The following KCNK13 variants were observed in gnomAD, a reference collection of about 807,000 sequenced individuals.
KCNK13 encodes potassium two pore domain channel subfamily K member 13.
A neutral mutation model predicts 23.4 loss-of-function variants in KCNK13; 12 were observed. That is an observed-to-expected ratio of 0.51 (90% CI 0.33 to 0.83). The LOEUF (loss-of-function observed/expected upper bound fraction) is 0.83. KCNK13 is among the 40% of genes least tolerant of loss of function. KCNK13 has a pLI of 0.02. For missense variants in KCNK13, 463 were observed against 556.3 expected (o/e 0.83, Z 1.69); for synonymous variants, 231 against 229.5 (o/e 1.01, Z -0.06).
intron 1 of KCNK13, among the ~76,000 whole-genome samples, chr14:90,145,130 G>C (rs1890058536): frequency 6.6e-6 from 1 of 152,064 alleles, no homozygotes; most frequent in South Asian, 2.1e-4. Flanking sequence ...TAGAAAGGTG[G>C]GGCACAGTGG....
At chr14:90,068,428 C>T (rs1462826416) in intron 1 of KCNK13, among the ~76,000 whole-genome samples, 2 of 151,890 alleles carry the variant, frequency 1.3e-5, no homozygotes, top group African/African-American at 4.8e-5. Flanking sequence ...AACCCCATCT[C>T]TACAAAAAAA....
chr14:90,163,770 G>T (rs1195201173), intron 1 of KCNK13, among the ~76,000 whole-genome samples: 1 of 152,130 alleles, frequency 6.6e-6, no homozygotes, highest in African/African-American at 2.4e-5. Context: ...GCTCACTGCA[G>T]CCTCCGCCTC....
At chr14:90,161,402 G>A (rs1890251832) in intron 1 of KCNK13, among the ~76,000 whole-genome samples, 1 of 152,086 alleles carries the variant, frequency 6.6e-6, no homozygotes. Flanking sequence ...TGTACTTACT[G>A]CTACTGAACT....
At chr14:90,162,248 G>C (rs958832480) in intron 1 of KCNK13, among the ~76,000 whole-genome samples, 1 of 152,118 alleles carries the variant, frequency 6.6e-6, no homozygotes, top group Non-Finnish European at 1.5e-5. Context: ...CCCAGCATAG[G>C]CAATGGATCA....
At chr14:90,174,087 A>C (rs994399583) in intron 1 of KCNK13, among the ~76,000 whole-genome samples, 2 of 152,060 alleles carry the variant, frequency 1.3e-5, no homozygotes, top group African/African-American at 4.8e-5. Flanking sequence ...CGGGCGGATC[A>C]TGAGGTCAGG....
Position 90,184,408 on chromosome 14 carries a change from G to T in KCNK13, c.632G>T (p.Cys211Phe). The change falls in exon 2 of 2, where the codon TGC (cysteine) becomes TTC (phenylalanine). Residue 211 changes from cysteine to phenylalanine, a missense_variant. This residue lies in a region of KCNK13 where 144 missense variants were observed against 224.0 expected (regional missense o/e 0.64). Coordinates refer to ENST00000282146, the MANE Select transcript of KCNK13 (RefSeq NM_022054.4). The surrounding 1 kb of genome is among the most constrained non-coding windows in gnomAD (Gnocchi z 5.6). Reference sequence around the variant, plus strand: ...ACAGCCTCCATCCTCATCTCTTGCTGCGCCTCAGCCATGTACACCCCCATT... The same window carrying T: ...ACAGCCTCCATCCTCATCTCTTGCTTCGCCTCAGCCATGTACACCCCCATT... ...LCTASILISC[C>F]ASAMYTPIEG... The T allele has an allele frequency of 6.2e-7, 1 of 1,614,226 alleles. No individual in the cohort carries two copies. Among genetic ancestry groups the T allele is most frequent in the Non-Finnish European group, 8.5e-7 (1 of 1,180,050 alleles).
chr14:90,144,442 A>C (rs1175080438), intron 1 of KCNK13, among the ~76,000 whole-genome samples: 2 of 148,894 alleles, frequency 1.3e-5, no homozygotes, highest in Admixed American at 6.7e-5. Context: ...ATTCCATTGA[A>C]TTGTTTACAT....
intron 1 of KCNK13, among the ~76,000 whole-genome samples, chr14:90,094,927 G>A (rs993735799): frequency 6.6e-6 from 1 of 152,086 alleles, no homozygotes; most frequent in Admixed American, 6.5e-5. Flanking sequence ...GATTACAGGC[G>A]TGAGCCACCA....
At chr14:90,136,913 G>T (rs996589144) in intron 1 of KCNK13, among the ~76,000 whole-genome samples, 1 of 152,184 alleles carries the variant, frequency 6.6e-6, no homozygotes, top group Non-Finnish European at 1.5e-5. Context: ...ATGTTCATTA[G>T]CGTCGTCATG....
At chr14:90,176,836 G>A (rs1425523180) in intron 1 of KCNK13, among the ~76,000 whole-genome samples, 3 of 151,864 alleles carry the variant, frequency 2.0e-5, no homozygotes, top group African/African-American at 4.8e-5. Context: ...CCTGGCCAAC[G>A]TGGTGAAACC....
chr14:90,098,262 A>C (rs1889435013), intron 1 of KCNK13, among the ~76,000 whole-genome samples: 2 of 152,324 alleles, frequency 1.3e-5, no homozygotes, highest in Admixed American at 1.3e-4. Flanking sequence ...GGCATTTATT[A>C]TTTATTTCCA....
intron 1 of KCNK13, among the ~76,000 whole-genome samples, chr14:90,066,464 A>G (rs1889011115): frequency 6.6e-6 from 1 of 151,456 alleles, no homozygotes; most frequent in African/African-American, 2.4e-5. Context: ...AGAGGGCTAC[A>G]CCATGTTGAT....
chr14:90,078,434 A>AG (rs1491559719), intron 1 of KCNK13, among the ~76,000 whole-genome samples: 1 of 151,484 alleles, frequency 6.6e-6, no homozygotes, highest in African/African-American at 2.4e-5. Flanking sequence ...AAAAAAAGAA[A>AG]GAAAAAAAAG....
intron 1 of KCNK13, among the ~76,000 whole-genome samples, chr14:90,082,218 C>T (rs1395187856): frequency 6.6e-6 from 1 of 151,244 alleles, no homozygotes; most frequent in African/African-American, 2.4e-5. Flanking sequence ...TATGCCACCA[C>T]ACCCAGCTAA....
chr14:90,133,942 TG>T (rs1268009226), intron 1 of KCNK13, among the ~76,000 whole-genome samples: 1 of 152,138 alleles, frequency 6.6e-6, no homozygotes, highest in Non-Finnish European at 1.5e-5. Context: ...GAAGAGAAAA[TG>T]GATTCTTCCC....
At chr14:90,073,794 C>T (rs149905294) in intron 1 of KCNK13, among the ~76,000 whole-genome samples, 1,670 of 152,052 alleles carry the variant, frequency 0.011, 11 homozygotes, top group Middle Eastern at 0.02. Context: ...CCTCAGCCTC[C>T]GGAGTAGCTG....
chr14:90,064,752 A>T (rs1206626390), intron 1 of KCNK13, among the ~76,000 whole-genome samples: 1 of 152,228 alleles, frequency 6.6e-6, no homozygotes, highest in East Asian at 1.9e-4. Context: ...GGTAAAAAAC[A>T]TGATGTCAGT....
In KCNK13 at chr14:90,062,313, C is replaced by A. The variant is rs898982775; in HGVS notation, c.108C>A (p.Ala36=). The change falls in exon 1 of 2, where the codon GCC becomes GCA. Residue 36 remains alanine (A), a synonymous_variant. Coordinates refer to ENST00000282146, the MANE Select transcript of KCNK13 (RefSeq NM_022054.4). The surrounding 1 kb of genome is among the most constrained non-coding windows in gnomAD (Gnocchi z 4.5). ...LIVLYLLGGA[A]VFSALELAHE... ...TGCTCTACCTGCTGGGCGGCGCCGC[C>A]GTCTTCTCCGCGCTGGAGCTGGCGC... is the stretch of plus-strand genomic sequence containing the variant. The A allele has an allele frequency of 1.9e-6, 3 of 1,555,826 alleles. No individual in the cohort carries two copies. The highest frequency in any genetic ancestry group is 2.6e-6 in the Non-Finnish European group (3 of 1,157,788).
chr14:90,092,071 G>T (rs567717383), intron 1 of KCNK13, among the ~76,000 whole-genome samples: 2 of 151,558 alleles, frequency 1.3e-5, no homozygotes, highest in Non-Finnish European at 2.9e-5. Flanking sequence ...ACAGGTGCCC[G>T]CCACCACACC....
Sources: allele counts gnomAD v4.1 joint callset (sites outside exome capture counted in the v4.1 genomes callset), GRCh38; gene constraint gnomAD v4.1.1; regional missense constraint gnomAD v4.1.1; non-coding constraint Gnocchi (gnomAD v3.1); transcripts MANE v1.5; gene names NCBI Gene and HGNC (gene_info 2026-07-23, HGNC 2026-07-21).